The following LDB2 variants were observed in gnomAD, a reference collection of about 807,000 sequenced individuals.
The protein encoded by LDB2 is LIM domain-binding protein 2.
In LDB2, 12 loss-of-function variants were observed where a neutral mutation model predicts 44.3. That is an observed-to-expected ratio of 0.27 (90% CI 0.17 to 0.44). The LOEUF is 0.44. Ranked by LOEUF, LDB2 falls within the 20% of genes least tolerant of loss-of-function variation. The pLI is 1.00. For missense variants in LDB2, 344 were observed against 473.5 expected (o/e 0.73, Z 2.54); for synonymous variants, 164 against 174.8 (o/e 0.94, Z 0.49).
chr4:16,763,354 T>G (rs1768389974), intron 1 of LDB2, among the ~76,000 whole-genome samples: 1 of 151,838 alleles, frequency 6.6e-6, no homozygotes, highest in Non-Finnish European at 1.5e-5. Context: ...CTACTTTGTC[T>G]GTTGGTCAAT....
rs147452552 is a variant in LDB2 at position 16,646,254 on chromosome 4, C to T, written c.236-50379G>A. On this transcript the variant is annotated intron_variant, in intron 2 of 7. Coordinates refer to ENST00000304523, the MANE Select transcript of LDB2 (RefSeq NM_001290.5). ...GCTGTAATGTAGAAATCTCTCTTTC[C>T]GCTTTCTTTTTTTGTCTATTTCTCT... Among the ~76,000 whole-genome samples, 402 of 152,172 alleles carry T rather than the reference C, an allele frequency of 2.6e-3. 3 individuals are homozygous for T. Among genetic ancestry groups the T allele is most frequent in the African/African-American group, 7.3e-3 (302 of 41,518 alleles).
At chr4:16,717,802 G>C (rs536250167) in intron 2 of LDB2, among the ~76,000 whole-genome samples, 1 of 152,038 alleles carries the variant, frequency 6.6e-6, no homozygotes, top group Non-Finnish European at 1.5e-5. Flanking sequence ...AGTGGTAATG[G>C]GGGCTTCCCA....
chr4:16,674,463 C>G (rs1017328218), intron 2 of LDB2: 1 of 380,792 alleles, frequency 2.6e-6, no homozygotes, highest in Non-Finnish European at 5.2e-6. Context: ...GTATTGGGCT[C>G]TATGTGGCCT....
chr4:16,828,931 T>A (rs1420884091), intron 1 of LDB2, among the ~76,000 whole-genome samples: 1 of 152,180 alleles, frequency 6.6e-6, no homozygotes, highest in Non-Finnish European at 1.5e-5. Context: ...CAGTGTATAC[T>A]ACAGAACCCC....
At chr4:16,536,365 T>C (rs1029058298) in intron 5 of LDB2, among the ~76,000 whole-genome samples, 3 of 152,114 alleles carry the variant, frequency 2.0e-5, no homozygotes, top group Non-Finnish European at 2.9e-5. Flanking sequence ...GCTTTCCAAA[T>C]TGATTGTGGT....
chr4:16,551,164 GAA>G (rs761591775), intron 5 of LDB2, among the ~76,000 whole-genome samples: 1 of 152,208 alleles, frequency 6.6e-6, no homozygotes, highest in Non-Finnish European at 1.5e-5. Flanking sequence ...TGGGGAATGA[GAA>G]GAGTAAAATG....
intron 1 of LDB2, among the ~76,000 whole-genome samples, chr4:16,830,509 A>T (rs1465403226): frequency 6.6e-6 from 1 of 152,222 alleles, no homozygotes; most frequent in Admixed American, 6.5e-5. Context: ...GCAGTGTAAG[A>T]ACAGACTAAT....
At chr4:16,578,253 C>A (rs1316601301) in intron 5 of LDB2, among the ~76,000 whole-genome samples, 1 of 152,054 alleles carries the variant, frequency 6.6e-6, no homozygotes. Context: ...AAACAATCAA[C>A]AAAGTGAAGA....
At chr4:16,689,622 A>G (rs970707626) in intron 2 of LDB2, among the ~76,000 whole-genome samples, 8 of 152,204 alleles carry the variant, frequency 5.3e-5, no homozygotes, top group African/African-American at 1.4e-4. Context: ...AAATTCTTCA[A>G]TCTACTTCAG....
intron 2 of LDB2, among the ~76,000 whole-genome samples, chr4:16,624,559 C>G (rs1482534895): frequency 4.6e-5 from 7 of 152,000 alleles, no homozygotes; most frequent in Non-Finnish European, 1.0e-4. Flanking sequence ...TATTACTATC[C>G]CAATTTTATA....
chr4:16,581,737 C>G (rs1577955449), intron 5 of LDB2, among the ~76,000 whole-genome samples: 1 of 152,110 alleles, frequency 6.6e-6, no homozygotes, highest in Non-Finnish European at 1.5e-5. Context: ...ACCTCTCTGT[C>G]TTTTGTGCCT....
chr4:16,638,049 T>TA (rs1734078691), intron 2 of LDB2, among the ~76,000 whole-genome samples: 1 of 152,170 alleles, frequency 6.6e-6, no homozygotes, highest in African/African-American at 2.4e-5. Context: ...TAAAGGGCCT[T>TA]AAGGATTAAA....
At chr4:16,508,483 A>G in intron 7 of LDB2, 52 bp downstream of exon 7, 1 of 1,338,046 alleles carries the variant, frequency 7.5e-7, no homozygotes. Context: ...GGGCCCTTTG[A>G]GTAGGAAGCA....
At chr4:16,825,939 A>T (rs1782978504) in intron 1 of LDB2, among the ~76,000 whole-genome samples, 1 of 151,900 alleles carries the variant, frequency 6.6e-6, no homozygotes, top group Non-Finnish European at 1.5e-5. Flanking sequence ...AATTTTATAT[A>T]TATGTGCCTA....
At chr4:16,854,941 A>G (rs6839117) in intron 1 of LDB2, among the ~76,000 whole-genome samples, 40,362 of 151,666 alleles carry the variant, frequency 0.27, 5,620 homozygotes, top group South Asian at 0.42. Flanking sequence ...AGCAAGATTT[A>G]TCAAAGATCA....
intron 1 of LDB2, among the ~76,000 whole-genome samples, chr4:16,840,663 G>T (rs1206081248): frequency 1.3e-5 from 2 of 152,226 alleles, no homozygotes; most frequent in African/African-American, 2.4e-5. Context: ...TTGTCAACAA[G>T]TTGTGACCTT....
intron 2 of LDB2, among the ~76,000 whole-genome samples, chr4:16,753,374 T>C (rs1375350972): frequency 6.6e-6 from 1 of 152,334 alleles, no homozygotes; most frequent in South Asian, 2.1e-4. Context: ...TAGGGGAACA[T>C]GTCCAAATAC....
At position 16,511,894 on chromosome 4, in the gene LDB2, A is replaced by T; in HGVS notation, c.739+87T>A. ...AGCTACTTGTCCTGATAAATTAATG[A>T]TCACTTTCTTCTTTTTCACATCACT... On this transcript the variant is annotated intron_variant, in intron 6 of 7. Coordinates refer to ENST00000304523, the MANE Select transcript of LDB2 (RefSeq NM_001290.5). 5 of 1,417,902 alleles carry T rather than the reference A, an allele frequency of 3.5e-6. No homozygotes were observed. The East Asian group carries it at 7.0e-5, about 20-fold the overall frequency. 87.8% of individuals were successfully genotyped at this position (1,417,902 alleles called of 1,614,324 possible).
intron 1 of LDB2, among the ~76,000 whole-genome samples, chr4:16,875,592 T>C (rs1272025791): frequency 6.6e-6 from 1 of 152,206 alleles, no homozygotes; most frequent in Non-Finnish European, 1.5e-5. Flanking sequence ...AAAAGAAAGT[T>C]TTGACCAATA....
Sources: gnomAD v4.1 joint callset for allele counts (sites outside exome capture counted in the v4.1 genomes callset) on GRCh38, gnomAD v4.1.1 for gene constraint, MANE v1.5 for transcripts, NCBI Gene and HGNC (gene_info 2026-07-23, HGNC 2026-07-21) for gene names.